Variants in AFF2 observed in about 807,000 individuals in gnomAD.
AFF2 encodes the protein AF4/FMR2 family member 2.
AFF2 carries 14 observed loss-of-function variants against 76.9 expected under a neutral mutation model. The observed-to-expected ratio is 0.18, with a 90% CI of 0.12 to 0.28. AFF2 has a LOEUF of 0.28. Ranked by LOEUF, AFF2 falls within the 10% of genes least tolerant of loss-of-function variation. The pLI is 1.00. For synonymous variants in AFF2, 398 were observed against 366.7 expected, an observed-to-expected ratio of 1.09 and a Z score of -0.98; for missense variants, 868 against 1,001.1, an observed-to-expected ratio of 0.87 and a Z score of 1.79.
intron 1 of AFF2, among the ~76,000 whole-genome samples, chrX:148,538,996 G>T (rs1569550950): frequency 9.0e-6 from 1 of 111,457 alleles, no homozygotes; most frequent in Non-Finnish European, 1.9e-5. Flanking sequence ...TCTTTGACTT[G>T]TCCTCTGCTG....
chrX:148,850,527 CA>C lies in AFF2; in HGVS notation c.1262+7095del, dbSNP rs1205299716. ...ATGTAATGTTGTGATAACACACCCC[CA>C]CACACACACACATGCATACATATGC... On this transcript the variant is annotated intron_variant, in intron 7 of 20. Coordinates refer to ENST00000370460, the MANE Select transcript of AFF2 (RefSeq NM_002025.4). Among the ~76,000 whole-genome samples, 11 of 111,025 alleles carry C rather than the reference CA, an allele frequency of 9.9e-5. No homozygotes were observed. In the East Asian group the frequency reaches 3.1e-3, roughly 32 times the overall value.
chrX:148,947,479 A>G (rs1557286196), intron 9 of AFF2, among the ~76,000 whole-genome samples: 1 of 111,824 alleles, frequency 8.9e-6, no homozygotes, highest in East Asian at 2.8e-4. Context: ...TTTATATATT[A>G]TTCTTCTGTG....
chrX:148,991,513 A>G lies in AFF2; in HGVS notation c.*181A>G, dbSNP rs2072533481. ...TAAGTTGACACTACAACTTAAGGGC[A>G]GTGTACGTTTTATTACTTAGTCATT... On this transcript the variant is annotated 3_prime_UTR_variant, in exon 21 of 21. Coordinates refer to ENST00000370460, the MANE Select transcript of AFF2 (RefSeq NM_002025.4). 11 of 471,266 alleles carry G rather than the reference A, an allele frequency of 2.3e-5. No homozygotes were observed. In the East Asian group the frequency reaches 4.8e-4, roughly 21 times the overall value. The allele number at this position is 471,266 out of a possible 1,213,427, so 38.8% of individuals were successfully genotyped here.
At chrX:148,802,679 T>A (rs782055067) in intron 3 of AFF2, among the ~76,000 whole-genome samples, 2 of 111,706 alleles carry the variant, frequency 1.8e-5, no homozygotes, top group East Asian at 5.6e-4. Context: ...CTTGGACACA[T>A]AACTACTGTT....
chrX:148,552,006 T>C (rs1484532665), intron 1 of AFF2, among the ~76,000 whole-genome samples: 1 of 112,338 alleles, frequency 8.9e-6, no homozygotes, highest in African/African-American at 3.2e-5. Context: ...TGGTTGGAAA[T>C]ATTTTGTACA....
intron 1 of AFF2, among the ~76,000 whole-genome samples, chrX:148,576,525 C>T (rs2053288993): frequency 9.0e-6 from 1 of 111,532 alleles, no homozygotes; most frequent in Admixed American, 9.6e-5. Flanking sequence ...GTCTGTTTAA[C>T]AGCTATTTCC....
intron 3 of AFF2, among the ~76,000 whole-genome samples, chrX:148,711,290 A>C (rs1466792004): frequency 3.6e-5 from 4 of 112,074 alleles, no homozygotes; most frequent in Non-Finnish European, 7.5e-5. Context: ...TTCATCATGT[A>C]TTTCTAAATT....
At chrX:148,682,706 A>G (rs932113501) in intron 3 of AFF2, among the ~76,000 whole-genome samples, 1 of 111,989 alleles carries the variant, frequency 8.9e-6, no homozygotes, top group East Asian at 2.8e-4. Context: ...TACTTACATA[A>G]AAAAGAAATC....
chrX:148,708,804 A>G (rs188686377), intron 3 of AFF2, among the ~76,000 whole-genome samples: 57 of 112,667 alleles, frequency 5.1e-4, no homozygotes, highest in Non-Finnish European at 9.2e-4. Context: ...GTTTGCAGAT[A>G]TGCCTATAGA....
intron 3 of AFF2, among the ~76,000 whole-genome samples, chrX:148,670,901 T>C (rs1383535312): frequency 6.2e-5 from 7 of 112,196 alleles, no homozygotes; most frequent in Non-Finnish European, 1.1e-4. Context: ...ATTTTTTTCA[T>C]TGGCATTAGT....
chrX:148,625,674 C>T (rs1317033924), intron 1 of AFF2, among the ~76,000 whole-genome samples: 2 of 111,845 alleles, frequency 1.8e-5, no homozygotes, highest in Admixed American at 1.9e-4. Flanking sequence ...GTCACACTTT[C>T]TTTCCTCCAT....
At chrX:148,844,751 T>C (rs2070644573) in intron 7 of AFF2, among the ~76,000 whole-genome samples, 1 of 110,843 alleles carries the variant, frequency 9.0e-6, no homozygotes, top group Non-Finnish European at 1.9e-5. Flanking sequence ...ACGTTCTTGG[T>C]GCAGTGCAGT....
intron 9 of AFF2, among the ~76,000 whole-genome samples, chrX:148,924,153 A>G (rs2071625189): frequency 8.9e-6 from 1 of 112,049 alleles, no homozygotes; most frequent in Non-Finnish European, 1.9e-5. Context: ...CTTTGGATGA[A>G]CCTCAACTCT....
intron 4 of AFF2, among the ~76,000 whole-genome samples, chrX:148,818,689 C>T (rs1464303111): frequency 9.0e-6 from 1 of 110,921 alleles, no homozygotes; most frequent in Admixed American, 9.6e-5. Context: ...TTAGAGGAGA[C>T]TGGAGAATGA....
chrX:148,681,094 A>G (rs2054541872), intron 3 of AFF2, among the ~76,000 whole-genome samples: 1 of 111,838 alleles, frequency 8.9e-6, no homozygotes, highest in Non-Finnish European at 1.9e-5. Flanking sequence ...CCATATTTAA[A>G]TTGCAACTGC....
intron 1 of AFF2, among the ~76,000 whole-genome samples, chrX:148,534,052 A>G (rs2052758183): frequency 8.9e-6 from 1 of 112,308 alleles, no homozygotes; most frequent in African/African-American, 3.2e-5. Flanking sequence ...TCTATTGAGG[A>G]AAAATGAAGT....
At chrX:148,508,441 A>C (rs182280883) in intron 1 of AFF2, among the ~76,000 whole-genome samples, 7 of 111,536 alleles carry the variant, frequency 6.3e-5, no homozygotes, top group African/African-American at 2.3e-4. Flanking sequence ...AGCTTTAACA[A>C]TCATTGGAAG....
intron 3 of AFF2, among the ~76,000 whole-genome samples, chrX:148,805,195 A>C (rs1557271223): frequency 8.9e-6 from 1 of 111,790 alleles, no homozygotes; most frequent in East Asian, 2.8e-4. Flanking sequence ...AGCCGCCATC[A>C]GTGTCTGTTG....
chrX:148,600,779 C>CT (rs2053618805), intron 1 of AFF2, among the ~76,000 whole-genome samples: 1 of 112,276 alleles, frequency 8.9e-6, no homozygotes. Flanking sequence ...CCCAAACTCC[C>CT]TGTGCCTGCT....
Sources: allele counts gnomAD v4.1 joint callset (sites outside exome capture counted in the v4.1 genomes callset), GRCh38; gene constraint gnomAD v4.1.1; transcripts MANE v1.5; gene names NCBI Gene and HGNC (gene_info 2026-07-23, HGNC 2026-07-21).